SORCS3: variants seen among roughly 807,000 people sequenced by gnomAD.
SORCS3 encodes sortilin related VPS10 domain containing receptor 3, also known as VPS10 domain-containing receptor SorCS3.
Under a neutral mutation model 146.3 loss-of-function variants are expected in SORCS3, and 57 were observed. The ratio of observed to expected loss-of-function variants is 0.39; its 90% CI spans 0.31 to 0.49. The LOEUF (loss-of-function observed/expected upper bound fraction) is 0.49. Among genes scored for constraint, SORCS3 ranks in the 20% least tolerant of loss-of-function variants. The pLI is 0.92. For missense variants in SORCS3, 1,341 were observed against 1,575.5 expected (o/e 0.85, Z 2.52); for synonymous variants, 653 against 618.5 (o/e 1.06, Z -0.83).
At chr10:105,076,801 T>C (rs1327532466) in intron 5 of SORCS3, among the ~76,000 whole-genome samples, 1 of 152,202 alleles carries the variant, frequency 6.6e-6, no homozygotes, top group Non-Finnish European at 1.5e-5. Context: ...ATTCAGTAGG[T>C]ATTTGCCAAG....
intron 14 of SORCS3, among the ~76,000 whole-genome samples, chr10:105,198,679 C>T (rs1032896956): frequency 6.6e-6 from 1 of 152,138 alleles, no homozygotes; most frequent in African/African-American, 2.4e-5. Flanking sequence ...GTGTCAGCTG[C>T]ATATGTTGGG....
At chr10:104,910,352 A>C (rs1448947193) in intron 2 of SORCS3, among the ~76,000 whole-genome samples, 1 of 152,136 alleles carries the variant, frequency 6.6e-6, no homozygotes, top group African/African-American at 2.4e-5. Context: ...CCCCAGAAAA[A>C]CTTTTCTTCA....
intron 6 of SORCS3, among the ~76,000 whole-genome samples, chr10:105,103,995 G>T (rs1304029965): frequency 6.6e-6 from 1 of 152,164 alleles, no homozygotes; most frequent in Non-Finnish European, 1.5e-5. Flanking sequence ...GTGTGCATGA[G>T]AAATATTTGC....
chr10:104,868,963 C>G (rs2018488557), intron 2 of SORCS3, among the ~76,000 whole-genome samples: 3 of 152,230 alleles, frequency 2.0e-5, no homozygotes, highest in South Asian at 4.2e-4. Flanking sequence ...TATCAGTGCT[C>G]TCTTCACTAC....
intron 7 of SORCS3, among the ~76,000 whole-genome samples, chr10:105,121,664 T>G (rs2055934244): frequency 6.6e-6 from 1 of 152,218 alleles, no homozygotes; most frequent in Non-Finnish European, 1.5e-5. Context: ...TCTCAGGATC[T>G]GTTTCAATTT....
chr10:105,226,277 T>G (rs2056733549), intron 20 of SORCS3, among the ~76,000 whole-genome samples: 1 of 152,030 alleles, frequency 6.6e-6, no homozygotes, highest in Non-Finnish European at 1.5e-5. Flanking sequence ...CGATGTTAAT[T>G]TCATCAAATG....
intron 1 of SORCS3, among the ~76,000 whole-genome samples, chr10:104,837,878 AGAG>A (rs1311410683): frequency 6.6e-6 from 1 of 152,194 alleles, no homozygotes; most frequent in African/African-American, 2.4e-5. Context: ...CTTACTGAGT[AGAG>A]GAGCATCACG....
intron 20 of SORCS3, among the ~76,000 whole-genome samples, chr10:105,240,326 T>G (rs147249269): frequency 2.6e-4 from 39 of 152,230 alleles, no homozygotes; most frequent in African/African-American, 9.4e-4. Context: ...CTGGAAGTAG[T>G]GAAGATTCTC....
intron 1 of SORCS3, among the ~76,000 whole-genome samples, chr10:104,696,248 G>GATATATATCATACACATATA (rs1554844355): frequency 3.2e-5 from 1 of 31,380 alleles, no homozygotes; most frequent in African/African-American, 1.4e-4. Context: ...ATACACATAT[G>GATATATATCATACACATATA]ATATATGATA....
At chr10:105,101,090 G>A (rs1167321477) in intron 6 of SORCS3, among the ~76,000 whole-genome samples, 4 of 152,276 alleles carry the variant, frequency 2.6e-5, no homozygotes, top group Admixed American at 2.6e-4. Flanking sequence ...CTGGTATCTG[G>A]CGTTATTAAA....
chr10:104,869,941 T>C (rs1338182674), intron 2 of SORCS3, among the ~76,000 whole-genome samples: 2 of 152,214 alleles, frequency 1.3e-5, no homozygotes, highest in Non-Finnish European at 2.9e-5. Context: ...GGTTTCCTCA[T>C]TGTCAGAATG....
chr10:104,649,137 A>G (rs1453335682), intron 1 of SORCS3, among the ~76,000 whole-genome samples: 4 of 152,192 alleles, frequency 2.6e-5, no homozygotes, highest in African/African-American at 9.7e-5. Flanking sequence ...GAGAGATTTC[A>G]TCATGAATGC....
At chr10:104,863,092 A>G (rs1183846689) in intron 2 of SORCS3, among the ~76,000 whole-genome samples, 1 of 152,204 alleles carries the variant, frequency 6.6e-6, no homozygotes, top group African/African-American at 2.4e-5. Context: ...TGAGGCTTTA[A>G]TAAAATGGGT....
intron 3 of SORCS3, among the ~76,000 whole-genome samples, chr10:104,927,632 A>C (rs1263701367): frequency 1.3e-5 from 2 of 152,142 alleles, no homozygotes; most frequent in Non-Finnish European, 2.9e-5. Flanking sequence ...TAATCCCAGC[A>C]CTTTGGGAGG....
chr10:105,262,251 C>T (rs948575493), intron 25 of SORCS3, 80 bp from the exon 26 acceptor site: 19 of 1,326,668 alleles, frequency 1.4e-5, no homozygotes, highest in Admixed American at 1.2e-4. Context: ...TTCTTCCTCC[C>T]CTTATCCCCC....
chr10:104,732,485 G>C (rs1288216684), intron 1 of SORCS3, among the ~76,000 whole-genome samples: 1 of 152,158 alleles, frequency 6.6e-6, no homozygotes, highest in Non-Finnish European at 1.5e-5. Context: ...AGAACACTCA[G>C]AACCAGGCTC....
intron 1 of SORCS3, among the ~76,000 whole-genome samples, chr10:104,671,799 A>G (rs2015857862): frequency 6.6e-6 from 1 of 152,260 alleles, no homozygotes; most frequent in Middle Eastern, 3.4e-3. Context: ...AAGTTGAACC[A>G]TCCTTGTTTT....
chr10:105,175,116 C>T (rs185665538), intron 13 of SORCS3, among the ~76,000 whole-genome samples: 9 of 152,234 alleles, frequency 5.9e-5, no homozygotes, highest in South Asian at 2.1e-4. Flanking sequence ...GGCACAATCT[C>T]GGCTCGCTGC....
chr10:105,160,805 C>A (rs187150201), intron 11 of SORCS3, among the ~76,000 whole-genome samples: 138 of 152,308 alleles, frequency 9.1e-4, no homozygotes, highest in African/African-American at 2.7e-3. Context: ...GCACTATGCA[C>A]ACAGAGAAAC....
Sources: gnomAD v4.1 joint callset for allele counts (sites outside exome capture counted in the v4.1 genomes callset) on GRCh38, gnomAD v4.1.1 for gene constraint, MANE v1.5 for transcripts, NCBI Gene and HGNC (gene_info 2026-07-23, HGNC 2026-07-21) for gene names.